CNBD1: variants seen among roughly 807,000 people sequenced by gnomAD.
The protein encoded by CNBD1 is cyclic nucleotide-binding domain-containing protein 1.
A neutral mutation model predicts 54.4 loss-of-function variants in CNBD1; 71 were observed. The ratio of observed to expected loss-of-function variants is 1.30; its 90% CI spans 1.08 to 1.59. CNBD1 has a LOEUF of 1.59. CNBD1 is among the 40% of genes most tolerant of loss of function. The pLI is 0.00. For synonymous variants in CNBD1, 182 were observed against 170.7 expected, an observed-to-expected ratio of 1.07 and a Z score of -0.51; for missense variants, 659 against 518.0, an observed-to-expected ratio of 1.27 and a Z score of -2.64.
rs143113849 is a variant in CNBD1 at position 87,168,488 on chromosome 8, T to C, written c.432-37505T>C. Among the ~76,000 whole-genome samples the C allele has an allele frequency of 8.9e-3, 1,361 of 152,134 alleles. 23 individuals carry two copies. The highest frequency in any genetic ancestry group is 0.031 in the African/African-American group (1,278 of 41,522). On this transcript the variant is annotated intron_variant, in intron 4 of 10. Transcript: ENST00000518476. ...ACCATTAAATTATTTTTGACTATAG[T>C]CACCCTATTGTGCTATCAAATACTA...
chr8:87,073,199 GT>G (rs1299510233), intron 4 of CNBD1, among the ~76,000 whole-genome samples: 7 of 151,830 alleles, frequency 4.6e-5, no homozygotes, highest in African/African-American at 7.3e-5. Flanking sequence ...GTCAGCTCCT[GT>G]ATTTTTTTAA....
chr8:87,397,397 T>A (rs1811429192), intron 2 of CNBD1, among the ~76,000 whole-genome samples: 1 of 151,918 alleles, frequency 6.6e-6, no homozygotes. Context: ...TATCATTTGT[T>A]TTGTAAGAGT....
chr8:87,159,676 G>A (rs539866893), intron 4 of CNBD1, among the ~76,000 whole-genome samples: 1 of 152,140 alleles, frequency 6.6e-6, no homozygotes, highest in East Asian at 1.9e-4. Flanking sequence ...AGTTTCTGAT[G>A]TTATCTGAGT....
chr8:87,402,522 C>T (rs1807584430), intron 2 of CNBD1, among the ~76,000 whole-genome samples: 1 of 151,982 alleles, frequency 6.6e-6, no homozygotes, highest in South Asian at 2.1e-4. Context: ...TTAACTATAG[C>T]TGAGATGGAC....
chr8:86,980,398 C>A (rs2130507576), intron 4 of CNBD1, among the ~76,000 whole-genome samples: 1 of 152,310 alleles, frequency 6.6e-6, no homozygotes, highest in African/African-American at 2.4e-5. Flanking sequence ...ACACATTTAT[C>A]CACTTCCTTA....
chr8:86,959,838 G>A (rs1047362793), intron 4 of CNBD1, among the ~76,000 whole-genome samples: 11 of 152,140 alleles, frequency 7.2e-5, no homozygotes, highest in African/African-American at 2.4e-4. Context: ...CTGATCATCT[G>A]AAGCCTTCTT....
intron 8 of CNBD1, among the ~76,000 whole-genome samples, chr8:87,294,456 G>C (rs997047907): frequency 1.3e-5 from 2 of 152,102 alleles, no homozygotes; most frequent in Non-Finnish European, 2.9e-5. Context: ...AAAGGGACCT[G>C]TGCTCTCACC....
intron 4 of CNBD1, among the ~76,000 whole-genome samples, chr8:87,149,236 G>GA (rs1054334792): frequency 2.0e-5 from 3 of 152,054 alleles, no homozygotes; most frequent in South Asian, 2.1e-4. Flanking sequence ...TTTCATAAAG[G>GA]AAAAAAAGAA....
intron 8 of CNBD1, among the ~76,000 whole-genome samples, chr8:87,338,661 TTTG>T (rs1810003387): frequency 6.6e-6 from 1 of 151,924 alleles, no homozygotes; most frequent in Non-Finnish European, 1.5e-5. Context: ...TTAGATATGT[TTTG>T]TTGTTATTTG....
At chr8:86,900,056 C>T (rs2131803072) in intron 2 of CNBD1, among the ~76,000 whole-genome samples, 1 of 152,258 alleles carries the variant, frequency 6.6e-6, no homozygotes, top group Non-Finnish European at 1.5e-5. Flanking sequence ...CCTAGGTCAC[C>T]TTTCATAAGA....
At chr8:87,110,994 A>T (rs1042297123) in intron 4 of CNBD1, among the ~76,000 whole-genome samples, 1 of 152,188 alleles carries the variant, frequency 6.6e-6, no homozygotes, top group Admixed American at 6.5e-5. Context: ...ACTTGCCATG[A>T]CCTATCTGTA....
At chr8:87,272,893 A>C (rs768879488) in intron 6 of CNBD1, among the ~76,000 whole-genome samples, 1 of 151,968 alleles carries the variant, frequency 6.6e-6, no homozygotes, top group Non-Finnish European at 1.5e-5. Flanking sequence ...TAAATTTCAC[A>C]TTATAACACA....
rs551095858 is a variant in CNBD1 at position 87,124,836 on chromosome 8, G to A, written c.432-81157G>A. Among the ~76,000 whole-genome samples, 9 of 151,708 alleles carry A rather than the reference G, an allele frequency of 5.9e-5. No individual in the cohort carries two copies. The Middle Eastern group carries it at 0.014, about 229-fold the overall frequency. On this transcript the variant is annotated intron_variant, in intron 4 of 10. Transcript: ENST00000518476. ...GCAAGAGAAAGAAATACAAGCATCC[G>A]AGTAGGGAAGAAAGAAGTAAAATTG...
At chr8:87,121,342 G>A (rs1051932232) in intron 4 of CNBD1, among the ~76,000 whole-genome samples, 1 of 151,588 alleles carries the variant, frequency 6.6e-6, no homozygotes, top group Non-Finnish European at 1.5e-5. Flanking sequence ...TAGGAAATAA[G>A]AGTGTATTTA....
In CNBD1 at chr8:86,892,227, A is replaced by G. The variant is rs561543969; in HGVS notation, c.158+4616A>G. ...TATGGCCTTTATTGTGTTTAGGTTCATTCCTTCTGTTGAGGGTTTTTATTA... is the reference window on the plus strand; with the variant it reads ...TATGGCCTTTATTGTGTTTAGGTTCGTTCCTTCTGTTGAGGGTTTTTATTA... On this transcript the variant is annotated intron_variant, in intron 2 of 10. Coordinates refer to ENST00000518476, the MANE Select transcript of CNBD1 (RefSeq NM_173538.3). Among the ~76,000 whole-genome samples, 12 of 152,188 alleles carry G rather than the reference A, an allele frequency of 7.9e-5. No individual in the cohort carries two copies. In the East Asian group the frequency reaches 2.1e-3, roughly 27 times the overall value.
intron 4 of CNBD1, among the ~76,000 whole-genome samples, chr8:86,982,129 G>T (rs1297982863): frequency 1.3e-5 from 2 of 152,036 alleles, no homozygotes; most frequent in Admixed American, 6.6e-5. Context: ...ATTTTACTAT[G>T]GATTTAATTT....
intron 4 of CNBD1, among the ~76,000 whole-genome samples, chr8:86,972,139 A>G (rs924144106): frequency 2.0e-5 from 3 of 151,998 alleles, no homozygotes; most frequent in Non-Finnish European, 4.4e-5. Flanking sequence ...TTTAGTAGAG[A>G]CGGGGTTTCA....
At chr8:86,871,579 C>T (rs181264406) in intron 1 of CNBD1, among the ~76,000 whole-genome samples, 4 of 152,316 alleles carry the variant, frequency 2.6e-5, no homozygotes, top group Admixed American at 2.6e-4. Context: ...TGTTCTAGAT[C>T]TCATTCTTCC....
intron 4 of CNBD1, among the ~76,000 whole-genome samples, chr8:87,134,802 G>T (rs1282978880): frequency 1.3e-5 from 2 of 151,170 alleles, no homozygotes; most frequent in Non-Finnish European, 1.5e-5. Context: ...AGTAGAGATG[G>T]GTTTCACTGT....
Sources: gnomAD v4.1 joint callset for allele counts (sites outside exome capture counted in the v4.1 genomes callset) on GRCh38, gnomAD v4.1.1 for gene constraint, MANE v1.5 for transcripts, NCBI Gene and HGNC (gene_info 2026-07-23, HGNC 2026-07-21) for gene names.